The following PCCA variants were observed in gnomAD, a reference collection of about 807,000 sequenced individuals.
PCCA encodes the protein propionyl-CoA carboxylase subunit alpha.
A neutral mutation model predicts 101.3 loss-of-function variants in PCCA; 74 were observed. That is an observed-to-expected ratio of 0.73 (90% CI 0.61 to 0.89). The LOEUF is 0.89. PCCA is among the 40% of genes least tolerant of loss of function. PCCA has a pLI of 0.00. For missense variants in PCCA, 891 were observed against 907.0 expected (o/e 0.98, Z 0.23); for synonymous variants, 294 against 313.6 (o/e 0.94, Z 0.66).
In PCCA at chr13:100,197,366, A is replaced by AT. The variant is rs943048612; in HGVS notation, c.469-11957dup. ...GGGACCATGCCTGGTTAATTTTTAAATTTTTTTTTGTAGAAACAGGGCCCC... is the reference window on the plus strand; with the variant it reads ...GGGACCATGCCTGGTTAATTTTTAAATTTTTTTTTTGTAGAAACAGGGCCCC... On this transcript the variant is annotated intron_variant, in intron 6 of 23. Coordinates refer to ENST00000376285, the MANE Select transcript of PCCA (RefSeq NM_000282.4). Among the ~76,000 whole-genome samples, 133 of 151,198 alleles carry AT rather than the reference A, an allele frequency of 8.8e-4. 1 individual carries two copies. The highest frequency in any genetic ancestry group is 2.9e-3 in the African/African-American group (119 of 41,220).
intron 6 of PCCA, among the ~76,000 whole-genome samples, chr13:100,199,902 C>G (rs577246654): frequency 1.3e-5 from 2 of 152,168 alleles, no homozygotes; most frequent in African/African-American, 4.8e-5. Flanking sequence ...TTAGCCAATT[C>G]TTTTGAAGAA....
intron 19 of PCCA, among the ~76,000 whole-genome samples, chr13:100,382,245 C>T (rs1029782872): frequency 3.9e-5 from 6 of 152,138 alleles, no homozygotes; most frequent in Admixed American, 3.9e-4. Context: ...GAAAAGGGGA[C>T]AGAGGAGGGG....
At chr13:100,441,837 T>A (rs2080389126) in intron 20 of PCCA, among the ~76,000 whole-genome samples, 1 of 152,208 alleles carries the variant, frequency 6.6e-6, no homozygotes, top group African/African-American at 2.4e-5. Context: ...ATTGAATACT[T>A]TGTTTTTTGT....
chr13:100,203,499 G>A (rs147272921), intron 6 of PCCA, among the ~76,000 whole-genome samples: 4,922 of 151,946 alleles, frequency 0.032, 268 homozygotes, highest in African/African-American at 0.11. Flanking sequence ...AGACCAGCTC[G>A]GCCAACATGG....
chr13:100,168,798 A>G lies in PCCA; in HGVS notation c.468+11458A>G, dbSNP rs146173193. Among the ~76,000 whole-genome samples, 14 of 152,272 alleles carry G rather than the reference A, an allele frequency of 9.2e-5. No individual in the cohort carries two copies. In the East Asian group the frequency reaches 2.5e-3, roughly 27 times the overall value. ...TTCATTCTCTTCCTTACCAATGACC[A>G]GTTTATGGGAGGCTCATGGTCCAGT... On this transcript the variant is annotated intron_variant, in intron 6 of 23. Coordinates refer to ENST00000376285, the MANE Select transcript of PCCA (RefSeq NM_000282.4).
intron 1 of PCCA, among the ~76,000 whole-genome samples, chr13:100,089,878 G>T (rs1434490979): frequency 6.6e-6 from 1 of 152,128 alleles, no homozygotes; most frequent in Non-Finnish European, 1.5e-5. Context: ...TGACTGTTCT[G>T]TATACCTAGG....
chr13:100,262,698 C>T (rs758185006), intron 9 of PCCA, 31 bp from the exon 10 acceptor site: 4 of 931,344 alleles, frequency 4.3e-6, no homozygotes, highest in Admixed American at 3.4e-5. Flanking sequence ...CCCTCTCCCC[C>T]CCTCCTCCTT....
chr13:100,485,138 G>A (rs964094407), intron 21 of PCCA, among the ~76,000 whole-genome samples: 4 of 152,220 alleles, frequency 2.6e-5, no homozygotes, highest in Non-Finnish European at 5.9e-5. Context: ...GGGCTGAAGA[G>A]GAGGAAGGGA....
intron 15 of PCCA, 52 bp downstream of exon 15, chr13:100,307,312 A>G: frequency 8.2e-7 from 1 of 1,218,628 alleles, no homozygotes. Flanking sequence ...AATCAATGAT[A>G]TTTAAAGAGT....
At chr13:100,278,275 G>T (rs920062368) in intron 12 of PCCA, among the ~76,000 whole-genome samples, 9 of 152,142 alleles carry the variant, frequency 5.9e-5, no homozygotes, top group African/African-American at 2.2e-4. Context: ...TGAGACGACT[G>T]CAAAATATTT....
At chr13:100,164,896 G>T (rs941061643) in intron 6 of PCCA, among the ~76,000 whole-genome samples, 3 of 152,028 alleles carry the variant, frequency 2.0e-5, no homozygotes, top group African/African-American at 4.8e-5. Flanking sequence ...TTCTGTCTCT[G>T]TGAGTTTACC....
chr13:100,309,889 G>A lies in PCCA; in HGVS notation c.1410G>A (p.Leu470=). The change falls in exon 16 of 24, where the codon CTG becomes CTA. Residue 470 remains leucine, a synonymous_variant. Coordinates refer to ENST00000376285, the MANE Select transcript of PCCA (RefSeq NM_000282.4). ...TEALKRMADA[L]DNYVIRGVTH... The stretch of plus-strand genomic sequence containing the variant: ...CACTGAAGAGAATGGCAGATGCACT[G>A]GATAACTATGTTATTCGAGGTAAAA... The A allele has an allele frequency of 6.2e-7, 1 of 1,611,864 alleles. No homozygotes were observed. The highest frequency in any genetic ancestry group is 8.5e-7 in the Non-Finnish European group (1 of 1,178,096).
At chr13:100,339,050 C>G (rs886375415) in intron 17 of PCCA, among the ~76,000 whole-genome samples, 2 of 151,852 alleles carry the variant, frequency 1.3e-5, no homozygotes, top group African/African-American at 4.8e-5. Context: ...AGGACCCTTT[C>G]AGGTACAAAA....
At chr13:100,251,995 A>T (rs889860292) in intron 8 of PCCA, among the ~76,000 whole-genome samples, 7 of 39,588 alleles carry the variant, frequency 1.8e-4, no homozygotes, top group African/African-American at 4.4e-4. Flanking sequence ...CCTTCTGGGG[A>T]GGCTGAGGGG....
At chr13:100,526,927 T>C (rs902881521) in intron 22 of PCCA, among the ~76,000 whole-genome samples, 42 of 152,364 alleles carry the variant, frequency 2.8e-4, no homozygotes, top group Middle Eastern at 3.4e-3. Context: ...ATGGAATGCA[T>C]GTAGCTCTGG....
chr13:100,479,019 C>T (rs971833198), intron 21 of PCCA, among the ~76,000 whole-genome samples: 1 of 152,122 alleles, frequency 6.6e-6, no homozygotes, highest in South Asian at 2.1e-4. Flanking sequence ...GTTTCTGGGA[C>T]GTTACCTAAA....
chr13:100,323,620 G>C (rs2068313044), intron 16 of PCCA, among the ~76,000 whole-genome samples: 1 of 152,052 alleles, frequency 6.6e-6, no homozygotes, highest in Non-Finnish European at 1.5e-5. Flanking sequence ...CTGGCCAGGA[G>C]CTCCATTCTT....
At chr13:100,108,080 A>C in intron 2 of PCCA, among the ~76,000 whole-genome samples, 1 of 152,184 alleles carries the variant, frequency 6.6e-6, no homozygotes, top group Non-Finnish European at 1.5e-5. Flanking sequence ...GGGCCAGCTC[A>C]GTCCTCTTGG....
In PCCA at chr13:100,399,406, CCCT is replaced by C. The variant is rs2077210348; in HGVS notation, c.1747-26220_1747-26218del. On this transcript the variant is annotated intron_variant, in intron 19 of 23. Transcript: ENST00000376285. Reference sequence around the variant, plus strand: ...TTTACACTATAATGGCTAAACTTGCCCCTCCTCCTTAAAAGAAATATAAACTAA... The same window carrying C: ...TTTACACTATAATGGCTAAACTTGCCCCTCCTTAAAAGAAATATAAACTAA... Among the ~76,000 whole-genome samples the C allele has an allele frequency of 2.0e-5, 3 of 152,016 alleles. No individual in the cohort carries two copies. The South Asian group carries it at 6.2e-4, about 32-fold the overall frequency.
Sources: gnomAD v4.1 joint callset for allele counts (sites outside exome capture counted in the v4.1 genomes callset) on GRCh38, gnomAD v4.1.1 for gene constraint, MANE v1.5 for transcripts, NCBI Gene and HGNC (gene_info 2026-07-23, HGNC 2026-07-21) for gene names.